The following PTPRN2 variants were observed in gnomAD, a reference collection of about 807,000 sequenced individuals.
PTPRN2 encodes receptor-type tyrosine-protein phosphatase N2.
PTPRN2 carries 74 observed loss-of-function variants against 118.8 expected under a neutral mutation model. That is an observed-to-expected ratio of 0.62 (90% CI 0.52 to 0.76). PTPRN2 has a LOEUF of 0.76. PTPRN2 is among the 30% of genes least tolerant of loss of function. PTPRN2 has a pLI of 0.00. For synonymous variants in PTPRN2, 641 were observed against 608.0 expected, an observed-to-expected ratio of 1.05 and a Z score of -0.80; for missense variants, 1,481 against 1,394.4, an observed-to-expected ratio of 1.06 and a Z score of -0.99.
At chr7:157,864,931 AG>A in intron 12 of PTPRN2, 1 of 152,290 alleles carries the variant, frequency 6.6e-6, no homozygotes, top group Middle Eastern at 3.4e-3. Flanking sequence ...AACCTGCACA[AG>A]GGCTCACAGC....
At chr7:158,388,891 C>G (rs566899229) in intron 2 of PTPRN2, among the ~76,000 whole-genome samples, 1 of 152,238 alleles carries the variant, frequency 6.6e-6, no homozygotes. Flanking sequence ...TTAACCCACA[C>G]ACAGATGATA....
chr7:157,804,631 G>A (rs866072778), intron 12 of PTPRN2, among the ~76,000 whole-genome samples: 14 of 152,080 alleles, frequency 9.2e-5, no homozygotes, highest in Middle Eastern at 3.2e-3. Flanking sequence ...GGACCCACGC[G>A]TGCACACACA....
At chr7:158,569,733 CAG>C (rs1827882828) in intron 1 of PTPRN2, among the ~76,000 whole-genome samples, 1 of 106,458 alleles carries the variant, frequency 9.4e-6, no homozygotes, top group Admixed American at 9.2e-5. Context: ...GCCTGACTGA[CAG>C]GAACGCGGGG....
At chr7:157,756,445 G>A (rs1449522263) in intron 12 of PTPRN2, among the ~76,000 whole-genome samples, 1 of 151,962 alleles carries the variant, frequency 6.6e-6, no homozygotes, top group South Asian at 2.1e-4. Context: ...ACAGGTGTCC[G>A]TCACCACGCC....
At chr7:158,146,058 T>G (rs995268191) in intron 6 of PTPRN2, among the ~76,000 whole-genome samples, 1 of 109,226 alleles carries the variant, frequency 9.2e-6, no homozygotes, top group Non-Finnish European at 2.2e-5. Flanking sequence ...AGTTTTCCAC[T>G]CTTTTCCCCC....
In PTPRN2 at chr7:157,690,439, C is replaced by T. The variant is rs987298181; in HGVS notation, c.1789-7502G>A. ...CCCACCACCTACGCGCCTGGTGATG[C>T]TCTCGTGGGCCCTTCCTGCTCCCTC... On this transcript the variant is annotated intron_variant, in intron 12 of 22. Coordinates refer to ENST00000389418, the MANE Select transcript of PTPRN2 (RefSeq NM_002847.5). This position sits in a 1 kb window ranked among gnomAD's most constrained non-coding sequence, Gnocchi z 7.1. 1.3e-5 allele frequency among the ~76,000 whole-genome samples: 2 copies of T among 152,186 alleles called. No individual in the cohort carries two copies. Among genetic ancestry groups the T allele is most frequent in the South Asian group, 4.1e-4 (2 of 4,838 alleles).
intron 11 of PTPRN2, among the ~76,000 whole-genome samples, chr7:157,997,610 T>C (rs996536471): frequency 6.6e-6 from 1 of 151,676 alleles, no homozygotes; most frequent in African/African-American, 2.4e-5. Context: ...GCAGCCAGAA[T>C]GTCCCTGCAG....
chr7:157,992,753 C>T (rs964112772), intron 11 of PTPRN2, among the ~76,000 whole-genome samples: 45 of 152,326 alleles, frequency 3.0e-4, no homozygotes, highest in African/African-American at 9.1e-4. Context: ...ACAGGACAGC[C>T]GAGCTTGTGG....
rs575366993 is a variant in PTPRN2 at position 157,784,169 on chromosome 7, C to T, written c.1789-101232G>A. ...TGTGGGCAGGGCACAGGCAGCTCAA[C>T]GTTAGGCCAGGGACCAATCTTACCA... is the stretch of plus-strand genomic sequence containing the variant. On this transcript the variant is annotated intron_variant, in intron 12 of 22. Coordinates refer to ENST00000389418, the MANE Select transcript of PTPRN2 (RefSeq NM_002847.5). The surrounding 1 kb of genome is among the most constrained non-coding windows in gnomAD (Gnocchi z 4.6). 5.9e-5 allele frequency among the ~76,000 whole-genome samples: 9 copies of T among 152,234 alleles called. No individual in the cohort carries two copies. The highest frequency in any genetic ancestry group is 6.8e-3 in the Middle Eastern group (2 of 294).
At chr7:158,062,014 G>T (rs911604550) in intron 11 of PTPRN2, among the ~76,000 whole-genome samples, 3 of 152,262 alleles carry the variant, frequency 2.0e-5, no homozygotes, top group Non-Finnish European at 4.4e-5. Context: ...CCATGGTCCT[G>T]CTGTCAGAGC....
At chr7:158,138,587 G>A (rs544257067) in intron 6 of PTPRN2, 72 bp from the exon 7 acceptor site, 13 of 1,419,846 alleles carry the variant, frequency 9.2e-6, no homozygotes, top group Admixed American at 1.8e-5. Context: ...CCAGACCATA[G>A]GGGTGTGGTG....
At chr7:158,290,821 A>AT (rs1196802458) in intron 3 of PTPRN2, among the ~76,000 whole-genome samples, 3 of 152,156 alleles carry the variant, frequency 2.0e-5, no homozygotes, top group Non-Finnish European at 2.9e-5. Flanking sequence ...TTGTGAAGGT[A>AT]TTTTTGCACA....
At chr7:158,239,732 C>G (rs796457238) in intron 3 of PTPRN2, among the ~76,000 whole-genome samples, 79 of 152,364 alleles carry the variant, frequency 5.2e-4, no homozygotes, top group African/African-American at 1.9e-3. Flanking sequence ...TCAAGCAACG[C>G]TGCACTTCCC....
chr7:157,752,835 C>T (rs1056549027), intron 12 of PTPRN2, among the ~76,000 whole-genome samples: 8 of 152,270 alleles, frequency 5.3e-5, no homozygotes, highest in Non-Finnish European at 2.9e-5. Flanking sequence ...ATGGCGAGGG[C>T]CGCCAAGACA....
chr7:158,122,294 G>A (rs1320765420), intron 9 of PTPRN2, among the ~76,000 whole-genome samples: 1 of 152,166 alleles, frequency 6.6e-6, no homozygotes, highest in East Asian at 1.9e-4. Context: ...CAACCACGTT[G>A]GACAAGCCTG....
chr7:158,070,428 T>TCGTGGTGGTGGAGGTGCC (rs1385830143), intron 11 of PTPRN2, among the ~76,000 whole-genome samples: 7 of 118,798 alleles, frequency 5.9e-5, no homozygotes, highest in East Asian at 2.6e-4. Flanking sequence ...GTGGTGGTGC[T>TCGTGGTGGTGGAGGTGCC]CGTGGTGGTG....
At chr7:158,485,166 C>T (rs1480687396) in intron 2 of PTPRN2, among the ~76,000 whole-genome samples, 4 of 152,086 alleles carry the variant, frequency 2.6e-5, no homozygotes, top group African/African-American at 4.8e-5. Context: ...GACACGGAGC[C>T]GACAGGTGTG....
At chr7:157,825,875 C>T (rs1031988616) in intron 12 of PTPRN2, among the ~76,000 whole-genome samples, 1 of 152,226 alleles carries the variant, frequency 6.6e-6, no homozygotes, top group African/African-American at 2.4e-5. Flanking sequence ...CAAAAAGTAG[C>T]ATCACTGTAG....
chr7:158,151,959 G>T (rs1021840757), intron 6 of PTPRN2, among the ~76,000 whole-genome samples: 343 of 152,084 alleles, frequency 2.3e-3, no homozygotes, highest in African/African-American at 7.7e-3. Flanking sequence ...GGATCACAAG[G>T]TCAGGAGATC....
Sources: allele counts gnomAD v4.1 joint callset (sites outside exome capture counted in the v4.1 genomes callset), GRCh38; gene constraint gnomAD v4.1.1; non-coding constraint Gnocchi (gnomAD v3.1); transcripts MANE v1.5; gene names NCBI Gene and HGNC (gene_info 2026-07-23, HGNC 2026-07-21).